The following KDM2A variants were observed in gnomAD, a reference collection of about 807,000 sequenced individuals.
KDM2A encodes lysine demethylase 2A.
A neutral mutation model predicts 137.3 loss-of-function variants in KDM2A; 3 were observed. The ratio of observed to expected loss-of-function variants is 0.02; its 90% CI spans 0.01 to 0.06. The LOEUF (loss-of-function observed/expected upper bound fraction) is 0.06, where lower values mean the gene tolerates loss of function less well. Among genes scored for constraint, KDM2A ranks in the 10% least tolerant of loss-of-function variants. The probability of loss-of-function intolerance (pLI) is 1.00; values close to 1 mark genes in which losing one functional copy is unlikely to be tolerated. For synonymous variants in KDM2A, 512 were observed against 541.5 expected, an observed-to-expected ratio of 0.95 and a Z score of 0.76; for missense variants, 738 against 1,510.6, an observed-to-expected ratio of 0.49 and a Z score of 8.48.
Position 67,159,750 on chromosome 11 carries a change from C to T in KDM2A, c.43-20329C>T, listed in dbSNP as rs1055267389. ...CAGTGGTGAAAAAGAGATTTCTACT[C>T]TCACATACCTTACCTTTTTCCCTCC... On this transcript the variant is annotated intron_variant, in intron 2 of 20. Coordinates refer to ENST00000529006, the MANE Select transcript of KDM2A (RefSeq NM_012308.3). 3.3e-5 allele frequency among the ~76,000 whole-genome samples: 5 copies of T among 152,210 alleles called. No individual in the cohort carries two copies. In the South Asian group the frequency reaches 1.0e-3, roughly 32 times the overall value.
chr11:67,186,656 G>GTTTAAGAGACGAGCAT (rs1456893227), intron 5 of KDM2A, among the ~76,000 whole-genome samples: 1 of 152,196 alleles, frequency 6.6e-6, no homozygotes, highest in East Asian at 1.9e-4. Flanking sequence ...TTTCTCCATA[G>GTTTAAGAGACGAGCAT]TTTAAGAGAC....
At chr11:67,123,994 GTTGT>G (rs760948745) in intron 2 of KDM2A, among the ~76,000 whole-genome samples, 4 of 151,378 alleles carry the variant, frequency 2.6e-5, no homozygotes, top group East Asian at 3.9e-4. Flanking sequence ...TTTTGTTGTT[GTTGT>G]TTGTTTGTTG....
chr11:67,208,993 T>A (rs1857897193), intron 6 of KDM2A, among the ~76,000 whole-genome samples: 1 of 151,704 alleles, frequency 6.6e-6, no homozygotes, highest in South Asian at 2.1e-4. Context: ...TAGAGTGCGG[T>A]GGCACGATCT....
chr11:67,250,205 C>T lies in KDM2A; in HGVS notation c.2175C>T (p.Leu725=), dbSNP rs768745673. Residue 725 remains leucine, a synonymous_variant, in exon 17 of 21, where the codon CTC becomes CTT. Transcript: ENST00000529006. The surrounding 1 kb of genome is among the most constrained non-coding windows in gnomAD (Gnocchi z 7.1). ...ATTCACCCACTTCCATGCTGCAGCT[C>T]ATCCATGACCCGGTTTCCCCCCGGG... The part of the protein sequence containing the change: ...PPHSPTSMLQ[L]IHDPVSPRGM... The T allele has an allele frequency of 1.2e-6, 2 of 1,613,918 alleles. No individual in the cohort carries two copies. Among genetic ancestry groups the T allele is most frequent in the Admixed American group, 3.3e-5 (2 of 60,020 alleles).
chr11:67,190,754 C>CT (rs1025572806), intron 5 of KDM2A, among the ~76,000 whole-genome samples: 1 of 151,198 alleles, frequency 6.6e-6, no homozygotes, highest in Non-Finnish European at 1.5e-5. Context: ...GAGCGAGACT[C>CT]TTTAAAAAAA....
At chr11:67,147,060 A>G (rs1418988527) in intron 2 of KDM2A, among the ~76,000 whole-genome samples, 1 of 152,158 alleles carries the variant, frequency 6.6e-6, no homozygotes, top group Non-Finnish European at 1.5e-5. Flanking sequence ...ACCTAACAGG[A>G]TGGAAGTTGA....
intron 2 of KDM2A, among the ~76,000 whole-genome samples, chr11:67,174,039 C>T (rs1397181793): frequency 1.3e-5 from 2 of 152,146 alleles, no homozygotes; most frequent in African/African-American, 4.8e-5. Flanking sequence ...AGGCAAATCA[C>T]CTGAAGTCAG....
intron 2 of KDM2A, among the ~76,000 whole-genome samples, chr11:67,136,888 A>G (rs1855980222): frequency 1.3e-5 from 2 of 152,248 alleles, no homozygotes; most frequent in South Asian, 4.1e-4. Flanking sequence ...CATTAAACAA[A>G]TACTAGTAAT....
chr11:67,206,474 C>A (rs1053542557), intron 5 of KDM2A, among the ~76,000 whole-genome samples: 2 of 152,170 alleles, frequency 1.3e-5, no homozygotes, highest in Non-Finnish European at 2.9e-5. Flanking sequence ...TGGTGGCTCA[C>A]GCCTGTAATC....
chr11:67,222,059 CTT>C (rs11373238), intron 10 of KDM2A, among the ~76,000 whole-genome samples: 4,434 of 110,520 alleles, frequency 0.04, 237 homozygotes, highest in African/African-American at 0.14. Flanking sequence ...CTCTGTCATT[CTT>C]TTTTTTTTTT....
At chr11:67,253,665 A>C (rs1342422317) in intron 19 of KDM2A, 54 bp downstream of exon 19, 2 of 1,580,274 alleles carry the variant, frequency 1.3e-6, no homozygotes, top group Admixed American at 3.4e-5. Context: ...TTTGTCTTCC[A>C]AACAGACCTC....
intron 6 of KDM2A, among the ~76,000 whole-genome samples, chr11:67,213,264 A>G (rs1858049065): frequency 6.6e-6 from 1 of 152,210 alleles, no homozygotes; most frequent in Non-Finnish European, 1.5e-5. Context: ...AAAGCTTACC[A>G]GATACATGTT....
chr11:67,236,235 A>G (rs1292112481), intron 12 of KDM2A, among the ~76,000 whole-genome samples: 1 of 152,120 alleles, frequency 6.6e-6, no homozygotes, highest in Non-Finnish European at 1.5e-5. Flanking sequence ...GGTTCAAGTG[A>G]TTCTCCTGCC....
At chr11:67,127,479 TAAA>T (rs932574238) in intron 2 of KDM2A, among the ~76,000 whole-genome samples, 1 of 151,824 alleles carries the variant, frequency 6.6e-6, no homozygotes, top group South Asian at 2.1e-4. Flanking sequence ...CAAAAAAAAA[TAAA>T]AAATAAGAAA....
chr11:67,235,550 G>A (rs967710723), intron 12 of KDM2A, among the ~76,000 whole-genome samples: 4 of 151,660 alleles, frequency 2.6e-5, no homozygotes, highest in African/African-American at 4.8e-5. Context: ...TGATCCACCC[G>A]CCTCTGCCTC....
At chr11:67,234,662 C>T (rs1858814955) in intron 12 of KDM2A, among the ~76,000 whole-genome samples, 1 of 152,180 alleles carries the variant, frequency 6.6e-6, no homozygotes, top group African/African-American at 2.4e-5. Flanking sequence ...TGAGACCAGC[C>T]TGGGCAACGT....
rs1413288021 is a variant in KDM2A at position 67,245,108 on chromosome 11, G to A, written c.1564-81G>A. ...CCATAGTGGGCCAAGCCCCAGGCTA[G>A]GTATGCTACCATGTAATCTTCTACC... On this transcript the variant is annotated intron_variant, in intron 13 of 20. Transcript: ENST00000529006. The surrounding 1 kb of genome is among the most constrained non-coding windows in gnomAD (Gnocchi z 4.1). 1 of 1,507,990 alleles carries A rather than the reference G, an allele frequency of 6.6e-7. No homozygotes were observed. The highest frequency in any genetic ancestry group is 1.4e-5 in the African/African-American group (1 of 72,722). 93.4% of individuals were successfully genotyped at this position (1,507,990 alleles called of 1,614,324 possible). A position where few individuals can be genotyped will look rare whatever the true frequency, so the allele number is the denominator to read the frequency against.
Position 67,245,739 on chromosome 11 carries a change from G to C in KDM2A, c.1834-246G>C. The C allele has an allele frequency of 1.7e-6, 1 of 597,542 alleles. No homozygotes were observed. The highest frequency in any genetic ancestry group is 2.9e-6 in the Non-Finnish European group (1 of 344,064). The allele number at this position is 597,542 out of a possible 1,614,324, so 37.0% of individuals were successfully genotyped here. The stretch of plus-strand genomic sequence containing the variant: ...TTCCCCTCTTCAGGTAGATTAGAAA[G>C]GACCGGGGAGGCCAAGTATAGGCCA... On this transcript the variant is annotated intron_variant, in intron 14 of 20. Transcript: ENST00000529006. The surrounding 1 kb of genome is among the most constrained non-coding windows in gnomAD (Gnocchi z 4.1).
chr11:67,174,089 C>T (rs1247951167), intron 2 of KDM2A, among the ~76,000 whole-genome samples: 1 of 152,198 alleles, frequency 6.6e-6, no homozygotes, highest in Non-Finnish European at 1.5e-5. Flanking sequence ...GAAACCTTGT[C>T]TCTTCTAAAA....
Sources: allele counts gnomAD v4.1 joint callset (sites outside exome capture counted in the v4.1 genomes callset), GRCh38; gene constraint gnomAD v4.1.1; non-coding constraint Gnocchi (gnomAD v3.1); transcripts MANE v1.5; gene names NCBI Gene and HGNC (gene_info 2026-07-23, HGNC 2026-07-21).